ZMIZ1: variants seen among roughly 807,000 people sequenced by gnomAD.
The protein encoded by ZMIZ1 is zinc finger MIZ domain-containing protein 1.
Under a neutral mutation model 113.9 loss-of-function variants are expected in ZMIZ1, and 17 were observed. That is an observed-to-expected ratio of 0.15 (90% confidence interval 0.10 to 0.22). ZMIZ1 has a LOEUF of 0.22. ZMIZ1 is among the 10% of genes least tolerant of loss of function. The pLI, the probability that ZMIZ1 is intolerant of heterozygous loss-of-function variation, is 1.00. For synonymous variants in ZMIZ1, 607 were observed against 603.1 expected (o/e 1.01, Z -0.09); for missense variants, 1,059 against 1,477.8 (o/e 0.72, Z 4.65).
At chr10:79,285,438 A>G (rs1234586716) in intron 8 of ZMIZ1, 2 of 455,644 alleles carry the variant, frequency 4.4e-6, no homozygotes, top group African/African-American at 2.0e-5. Flanking sequence ...GGGCTGAATC[A>G]GCCCCATTTC....
chr10:79,255,473 G>C (rs1419894460), intron 7 of ZMIZ1, among the ~76,000 whole-genome samples: 1 of 152,228 alleles, frequency 6.6e-6, no homozygotes. Flanking sequence ...GCAGGTGTGA[G>C]GAGTGGAGTC....
At chr10:79,141,318 G>A (rs976747916) in intron 3 of ZMIZ1, among the ~76,000 whole-genome samples, 11 of 152,224 alleles carry the variant, frequency 7.2e-5, no homozygotes, top group Admixed American at 2.0e-4. Context: ...TTGTACTCTC[G>A]TGAGGAGGCA....
chr10:79,168,081 T>C (rs1176970378), intron 4 of ZMIZ1, among the ~76,000 whole-genome samples: 3 of 152,224 alleles, frequency 2.0e-5, no homozygotes, highest in Non-Finnish European at 4.4e-5. Flanking sequence ...CAGAGCCCTC[T>C]ACCCTCTGGA....
intron 3 of ZMIZ1, among the ~76,000 whole-genome samples, chr10:79,156,613 GGGCTGGGCTTC>G: frequency 6.6e-6 from 1 of 152,214 alleles, no homozygotes; most frequent in South Asian, 2.1e-4. Flanking sequence ...TGGGCTTCCA[GGGCTGGGCTTC>G]GGAAGACAGT....
At chr10:79,185,210 A>C (rs1427431448) in intron 4 of ZMIZ1, among the ~76,000 whole-genome samples, 1 of 152,210 alleles carries the variant, frequency 6.6e-6, no homozygotes, top group African/African-American at 2.4e-5. Flanking sequence ...CAGGAAAGGA[A>C]ACCACAGCAC....
intron 5 of ZMIZ1, 97 bp from the exon 6 acceptor site, chr10:79,208,239 C>G: frequency 2.0e-6 from 2 of 985,814 alleles, no homozygotes; most frequent in Admixed American, 3.9e-5. Flanking sequence ...AACCTCCTCC[C>G]CAGTGAGGCT....
intron 6 of ZMIZ1, among the ~76,000 whole-genome samples, chr10:79,214,664 C>T (rs965311260): frequency 2.0e-5 from 3 of 152,190 alleles, no homozygotes; most frequent in Non-Finnish European, 2.9e-5. Context: ...CCCCTCCAGG[C>T]GCCTCTGGAG....
At chr10:79,115,894 A>C (rs1406266515) in intron 1 of ZMIZ1, among the ~76,000 whole-genome samples, 1 of 152,230 alleles carries the variant, frequency 6.6e-6, no homozygotes, top group Non-Finnish European at 1.5e-5. Context: ...ATTTTGGTGG[A>C]GCCGATGCCC....
At chr10:79,091,694 C>G (rs943144138) in intron 1 of ZMIZ1, among the ~76,000 whole-genome samples, 2 of 152,098 alleles carry the variant, frequency 1.3e-5, no homozygotes, top group Non-Finnish European at 2.9e-5. Flanking sequence ...ACCGGCATGA[C>G]CAAAGGAAGG....
chr10:79,287,083 T>C (rs185094918), intron 8 of ZMIZ1, among the ~76,000 whole-genome samples: 1 of 152,308 alleles, frequency 6.6e-6, no homozygotes, highest in Admixed American at 6.5e-5. Flanking sequence ...ACAGCAGGTG[T>C]CCAGGGGATC....
chr10:79,242,075 G>A (rs117792952), intron 7 of ZMIZ1, among the ~76,000 whole-genome samples: 1,670 of 152,210 alleles, frequency 0.011, 12 homozygotes, highest in Non-Finnish European at 0.017. Context: ...TCCCGAGGGG[G>A]TAATGATGAC....
At chr10:79,135,307 C>G (rs1283732770) in intron 2 of ZMIZ1, among the ~76,000 whole-genome samples, 2 of 152,184 alleles carry the variant, frequency 1.3e-5, no homozygotes, top group Non-Finnish European at 2.9e-5. Flanking sequence ...TGCCCCATCC[C>G]ATGACTGGGC....
intron 4 of ZMIZ1, among the ~76,000 whole-genome samples, chr10:79,165,559 G>T (rs2132508227): frequency 6.6e-6 from 1 of 152,312 alleles, no homozygotes; most frequent in East Asian, 1.9e-4. Flanking sequence ...TCAAGGAAAG[G>T]GGAGACCCCT....
chr10:79,278,714 T>G (rs903597069), intron 8 of ZMIZ1, among the ~76,000 whole-genome samples: 1 of 151,948 alleles, frequency 6.6e-6, no homozygotes, highest in Middle Eastern at 3.2e-3. Context: ...ATTTAACCCT[T>G]AGTGGACACA....
At chr10:79,258,134 C>T (rs1851036658) in intron 7 of ZMIZ1, among the ~76,000 whole-genome samples, 1 of 152,192 alleles carries the variant, frequency 6.6e-6, no homozygotes, top group Non-Finnish European at 1.5e-5. Flanking sequence ...GAAATCCCAG[C>T]ACTTTGGGAG....
chr10:79,231,115 G>C (rs926799934), intron 7 of ZMIZ1, among the ~76,000 whole-genome samples: 3 of 152,250 alleles, frequency 2.0e-5, no homozygotes, highest in African/African-American at 7.2e-5. Flanking sequence ...TGAAGATACA[G>C]AAGTGATCAG....
chr10:79,304,119 A>G lies in ZMIZ1; in HGVS notation c.2230A>G (p.Ile744Val), dbSNP rs768930838. 2.5e-6 allele frequency: 4 copies of G among 1,614,184 alleles called. No individual in the cohort carries two copies. The Admixed American group carries it at 5.0e-5, about 20-fold the overall frequency. The change falls in exon 19 of 25, where the codon ATC (isoleucine) becomes GTC (valine). Residue 744 changes from isoleucine to valine, a missense_variant. Ile to Val is a conservative substitution (Grantham distance 29, BLOSUM62 3). Transcript: ENST00000334512. ...TAIKVSLKCP[I>V]TFRRIQLPAR... ...CATCAAGGTGTCTCTGAAGTGCCCC[A>G]TCACATTCCGGCGCATCCAGCTGCC...
chr10:79,126,135 G>A (rs1308250408), intron 2 of ZMIZ1, among the ~76,000 whole-genome samples: 2 of 152,226 alleles, frequency 1.3e-5, no homozygotes, highest in East Asian at 3.9e-4. Context: ...CCACAAGCAA[G>A]GGCTTATCCT....
chr10:79,298,070 A>G (rs1462423826), intron 14 of ZMIZ1, among the ~76,000 whole-genome samples: 1 of 152,120 alleles, frequency 6.6e-6, no homozygotes, highest in Non-Finnish European at 1.5e-5. Context: ...CCTGGGCTTC[A>G]TTCCCGCTGT....
Sources: gnomAD v4.1 joint callset for allele counts (sites outside exome capture counted in the v4.1 genomes callset) on GRCh38, gnomAD v4.1.1 for gene constraint, MANE v1.5 for transcripts, NCBI Gene and HGNC (gene_info 2026-07-23, HGNC 2026-07-21) for gene names.